Variants in TBCD observed in about 807,000 individuals in gnomAD.
TBCD encodes the protein tubulin folding cofactor D, also known as tubulin-specific chaperone D.
Under a neutral mutation model 169.3 loss-of-function variants are expected in TBCD, and 105 were observed. The observed-to-expected ratio is 0.62, with a 90% confidence interval of 0.53 to 0.73. TBCD has a LOEUF of 0.73. Among genes scored for constraint, TBCD ranks in the 30% least tolerant of loss-of-function variants. The probability of loss-of-function intolerance (pLI) is 0.00; values close to 1 mark genes in which losing one functional copy is unlikely to be tolerated. For missense variants in TBCD, 1,444 were observed against 1,600.1 expected, an observed-to-expected ratio of 0.90 and a Z score of 1.66; for synonymous variants, 700 against 643.9, an observed-to-expected ratio of 1.09 and a Z score of -1.32.
intron 14 of TBCD, among the ~76,000 whole-genome samples, chr17:82,879,176 C>G (rs962029990): frequency 6.6e-6 from 1 of 150,772 alleles, no homozygotes; most frequent in Non-Finnish European, 1.5e-5. Context: ...CACCACTTCC[C>G]AGGAGTCTCA....
intron 14 of TBCD, among the ~76,000 whole-genome samples, chr17:82,872,796 A>G (rs939677590): frequency 6.6e-6 from 1 of 152,280 alleles, no homozygotes; most frequent in Non-Finnish European, 1.5e-5. Flanking sequence ...ACAGCACTGA[A>G]GACACCTGTC....
chr17:82,768,663 T>C, intron 5 of TBCD, 97 bp downstream of exon 5: 10 of 1,336,420 alleles, frequency 7.5e-6, no homozygotes, highest in Non-Finnish European at 1.0e-5. Flanking sequence ...TTCTGATATG[T>C]ATTCAACTGC....
In TBCD at chr17:82,832,146, C is replaced by T. The variant is rs2053577515; in HGVS notation, c.1318+17212C>T. 1 of 1,614,220 alleles carries T rather than the reference C, an allele frequency of 6.2e-7. No homozygotes were observed. Among genetic ancestry groups the T allele is most frequent in the Admixed American group, 1.7e-5 (1 of 60,036 alleles). ...TGATGTCTTCCCTGGCAGAGCTGTGCTGAAGCTTCGAGTCGAAGGCAGAGA... is the reference window on the plus strand; with the variant it reads ...TGATGTCTTCCCTGGCAGAGCTGTGTTGAAGCTTCGAGTCGAAGGCAGAGA... On this transcript the variant is annotated intron_variant, in intron 13 of 38. Coordinates refer to ENST00000355528, the MANE Select transcript of TBCD (RefSeq NM_005993.5). This position sits in a 1 kb window ranked among gnomAD's most constrained non-coding sequence, Gnocchi z 4.9.
chr17:82,923,712 G>C lies in TBCD; in HGVS notation c.2239G>C (p.Glu747Gln), dbSNP rs34791072. The C allele has an allele frequency of 6.3e-7, 1 of 1,599,788 alleles. No homozygotes were observed. The highest frequency in any genetic ancestry group is 1.1e-5 in the South Asian group (1 of 88,394). Reference protein sequence around the residue: ...CSEYYMKEPGEADPAIQEELI... With the variant: ...CSEYYMKEPGQADPAIQEELI... ...TGAATATTACATGAAGGAGCCGGGG[G>C]AGGCAGATCCCGCAATTCAGGGTGA... Residue 747 changes from glutamate (E) to glutamine (Q), a missense_variant, in exon 26 of 39, where the codon GAG (glutamate) becomes CAG (glutamine). Physicochemically the swap from Glu to Gln is conservative, Grantham distance 29 (BLOSUM62 2). Transcript: ENST00000355528. The surrounding 1 kb of genome is among the most constrained non-coding windows in gnomAD (Gnocchi z 4.6).
At chr17:82,802,571 A>G (rs1301368177) in intron 9 of TBCD, among the ~76,000 whole-genome samples, 1 of 152,256 alleles carries the variant, frequency 6.6e-6, no homozygotes, top group Non-Finnish European at 1.5e-5. Flanking sequence ...TTCTTGGCCA[A>G]AGGCCTCAGG....
At chr17:82,937,105 A>C in intron 34 of TBCD, 166 bp from the exon 35 acceptor site, 5 of 611,412 alleles carry the variant, frequency 8.2e-6, no homozygotes, top group East Asian at 2.8e-5. Flanking sequence ...CTGTGGAGGT[A>C]TTGGGATGGG....
In TBCD at chr17:82,831,837, G is replaced by A. The variant is rs143249485; in HGVS notation, c.1318+16903G>A. ...GAAGGAAAGGTGAGCCGGCTTTCCA[G>A]GGGTAGCCAGGAGTGTGGAAGGCCG... On this transcript the variant is annotated intron_variant, in intron 13 of 38. Transcript: ENST00000355528. This position sits in a 1 kb window ranked among gnomAD's most constrained non-coding sequence, Gnocchi z 4.6. The A allele has an allele frequency of 4.6e-4, 738 of 1,614,248 alleles. 14 individuals are homozygous for A. In the East Asian group the frequency reaches 0.016, roughly 36 times the overall value.
intron 6 of TBCD, among the ~76,000 whole-genome samples, chr17:82,775,187 G>A (rs898464556): frequency 6.6e-6 from 1 of 152,352 alleles, no homozygotes; most frequent in East Asian, 1.9e-4. Context: ...CTTTTCGGCC[G>A]AGCCAGTTTC....
chr17:82,797,910 G>T, intron 8 of TBCD, 108 bp downstream of exon 8: 1 of 632,354 alleles, frequency 1.6e-6, no homozygotes. Context: ...CTGTACATTG[G>T]TATGTTTGGA....
chr17:82,875,445 T>C (rs760151291), intron 14 of TBCD, among the ~76,000 whole-genome samples: 2 of 152,256 alleles, frequency 1.3e-5, no homozygotes, highest in African/African-American at 4.8e-5. Flanking sequence ...ACGCTGCTGC[T>C]GCTGCCATTG....
chr17:82,837,149 C>G (rs1213682865), intron 13 of TBCD, among the ~76,000 whole-genome samples: 1 of 152,194 alleles, frequency 6.6e-6, no homozygotes, highest in Non-Finnish European at 1.5e-5. Context: ...AGTGGGATAA[C>G]ATTGTTGCTT....
At chr17:82,776,907 G>A (rs940433750) in intron 6 of TBCD, among the ~76,000 whole-genome samples, 13 of 152,232 alleles carry the variant, frequency 8.5e-5, no homozygotes, top group African/African-American at 2.9e-4. Context: ...TTGGCATCAC[G>A]CTGATTGCCC....
intron 13 of TBCD, among the ~76,000 whole-genome samples, chr17:82,860,621 C>T (rs77346257): frequency 0.047 from 7,215 of 152,276 alleles, 257 homozygotes; most frequent in African/African-American, 0.091. Flanking sequence ...AGCCAGCAGA[C>T]GCCACTGGCT....
At chr17:82,819,538 T>TGTTTTAAAAAGGTAGTTGGGTGCAG (rs369148823) in intron 13 of TBCD, among the ~76,000 whole-genome samples, 1,914 of 152,180 alleles carry the variant, frequency 0.013, 53 homozygotes, top group African/African-American at 0.044. Context: ...CTACAAAAAT[T>TGTTTTAAAAAGGTAGTTGGGTGCAG]GTTTTAAAAA....
intron 13 of TBCD, among the ~76,000 whole-genome samples, chr17:82,856,955 C>T (rs1000263136): frequency 4.8e-5 from 7 of 145,854 alleles, no homozygotes; most frequent in East Asian, 4.1e-4. Flanking sequence ...ATCGCTGGAC[C>T]GCGTGCGGAC....
chr17:82,911,396 C>G (rs558895241), intron 22 of TBCD, among the ~76,000 whole-genome samples: 1 of 152,192 alleles, frequency 6.6e-6, no homozygotes, highest in African/African-American at 2.4e-5. Context: ...ATGGTAGAAC[C>G]GCAGTGCACT....
chr17:82,940,236 C>CACACACACACACACACAT (rs2147588421), intron 37 of TBCD, among the ~76,000 whole-genome samples: 1 of 152,050 alleles, frequency 6.6e-6, no homozygotes, highest in East Asian at 1.9e-4. Flanking sequence ...CACACACACA[C>CACACACACACACACACAT]ACACACACAC....
rs999172283 is a variant in TBCD, at chr17:82,890,137, C to G, written c.1563+440C>G. On this transcript the variant is annotated intron_variant, in intron 16 of 38. Transcript: ENST00000355528. The surrounding 1 kb of genome is among the most constrained non-coding windows in gnomAD (Gnocchi z 5.3). ...CTACGGACCCCATGACCCCACGACC[C>G]CACATCATGCTGGGGCTGCTTTTGC... Among the ~76,000 whole-genome samples the G allele has an allele frequency of 6.6e-6, 1 of 152,226 alleles. No homozygotes were observed. Among genetic ancestry groups the G allele is most frequent in the African/African-American group, 2.4e-5 (1 of 41,460 alleles).
rs556431511 is a variant in TBCD at position 82,874,082 on chromosome 17, C to T, written c.1475+3702C>T. Reference sequence around the variant, plus strand: ...ACGGGCATGGTCGTGGTCTGCCCAGCTGGGTGTGGGGTTGAGCCCATCATG... The same window carrying T: ...ACGGGCATGGTCGTGGTCTGCCCAGTTGGGTGTGGGGTTGAGCCCATCATG... On this transcript the variant is annotated intron_variant, in intron 14 of 38. Transcript: ENST00000355528. The surrounding 1 kb of genome is among the most constrained non-coding windows in gnomAD (Gnocchi z 5.0). 6.6e-6 allele frequency among the ~76,000 whole-genome samples: 1 copy of T among 152,290 alleles called. No individual in the cohort carries two copies. The highest frequency in any genetic ancestry group is 2.1e-4 in the South Asian group (1 of 4,822).
Sources: gnomAD v4.1 joint callset for allele counts (sites outside exome capture counted in the v4.1 genomes callset) on GRCh38, gnomAD v4.1.1 for gene constraint, Gnocchi (gnomAD v3.1) non-coding constraint, MANE v1.5 for transcripts, NCBI Gene and HGNC (gene_info 2026-07-23, HGNC 2026-07-21) for gene names.